The following DIP2C variants were observed in gnomAD, a reference collection of about 807,000 sequenced individuals.
DIP2C encodes disco-interacting protein 2 homolog C.
In DIP2C, 33 loss-of-function variants were observed where a neutral mutation model predicts 192.4. That is an observed-to-expected ratio of 0.17 (90% CI 0.13 to 0.23). DIP2C has a LOEUF of 0.23. Among genes scored for constraint, DIP2C ranks in the 10% least tolerant of loss-of-function variants. The probability of loss-of-function intolerance (pLI) is 1.00; values close to 1 mark genes in which losing one functional copy is unlikely to be tolerated. For missense variants in DIP2C, 1,537 were observed against 2,110.1 expected (o/e 0.73, Z 5.32); for synonymous variants, 979 against 864.1 (o/e 1.13, Z -2.33).
At chr10:388,803 G>T (rs552133951) in intron 13 of DIP2C, among the ~76,000 whole-genome samples, 1 of 152,258 alleles carries the variant, frequency 6.6e-6, no homozygotes, top group East Asian at 1.9e-4. Flanking sequence ...ACGGCTTCGT[G>T]AAGTTCCAGA....
chr10:594,503 C>A (rs1424834435), intron 1 of DIP2C, among the ~76,000 whole-genome samples: 1 of 152,064 alleles, frequency 6.6e-6, no homozygotes, highest in African/African-American at 2.4e-5. Context: ...GAGTACAAAC[C>A]ATTTCAACGT....
At chr10:312,221 C>T (rs1312830205) in intron 31 of DIP2C, among the ~76,000 whole-genome samples, 13 of 152,208 alleles carry the variant, frequency 8.5e-5, no homozygotes, top group Non-Finnish European at 1.5e-5. Flanking sequence ...TCTTCTCCTC[C>T]TCGTCATCCA....
At chr10:349,241 G>C in intron 25 of DIP2C, 90 bp downstream of exon 25, 1 of 1,519,412 alleles carries the variant, frequency 6.6e-7, no homozygotes. Context: ...CGCGACCCTC[G>C]GCTCAGGCAC....
At chr10:298,258 G>A (rs1371260333) in intron 32 of DIP2C, among the ~76,000 whole-genome samples, 1 of 152,172 alleles carries the variant, frequency 6.6e-6, no homozygotes, top group Admixed American at 6.5e-5. Context: ...GAGGGGACTG[G>A]TGAGGTGTTT....
intron 1 of DIP2C, among the ~76,000 whole-genome samples, chr10:569,928 A>C (rs1849682002): frequency 6.6e-6 from 1 of 152,204 alleles, no homozygotes; most frequent in Admixed American, 6.5e-5. Context: ...GGAAGCCAGA[A>C]ATCTACAGTG....
chr10:489,022 G>A (rs1767074911), intron 1 of DIP2C, among the ~76,000 whole-genome samples: 2 of 152,158 alleles, frequency 1.3e-5, no homozygotes, highest in Non-Finnish European at 2.9e-5. Context: ...TGGGGGGCGG[G>A]CAAAGGGGAA....
chr10:605,971 G>A (rs981200039), intron 1 of DIP2C, among the ~76,000 whole-genome samples: 2 of 152,136 alleles, frequency 1.3e-5, no homozygotes, highest in African/African-American at 2.4e-5. Flanking sequence ...TCCCACTTGC[G>A]AGACGTTCCC....
chr10:577,045 ATCTT>A (rs1212308140), intron 1 of DIP2C, among the ~76,000 whole-genome samples: 4 of 152,350 alleles, frequency 2.6e-5, no homozygotes, highest in East Asian at 1.9e-4. Context: ...AATCTTGTAT[ATCTT>A]TCTAACACTG....
At chr10:648,394 G>T (rs541807547) in intron 1 of DIP2C, among the ~76,000 whole-genome samples, 1 of 152,046 alleles carries the variant, frequency 6.6e-6, no homozygotes, top group African/African-American at 2.4e-5. Flanking sequence ...GATGGTGGGC[G>T]AGACCAGAAG....
intron 1 of DIP2C, among the ~76,000 whole-genome samples, chr10:543,501 A>C (rs1358987898): frequency 2.0e-5 from 3 of 152,250 alleles, no homozygotes; most frequent in Non-Finnish European, 4.4e-5. Flanking sequence ...TCTGCAGAGC[A>C]TTCAGCTCAC....
intron 13 of DIP2C, among the ~76,000 whole-genome samples, 177 bp downstream of exon 13, chr10:389,814 G>A (rs1963310685): frequency 6.6e-6 from 1 of 152,278 alleles, no homozygotes; most frequent in Non-Finnish European, 1.5e-5. Flanking sequence ...CGCCCAGTCT[G>A]TAGTATTTGC....
intron 1 of DIP2C, among the ~76,000 whole-genome samples, chr10:530,408 C>T (rs991840718): frequency 2.0e-5 from 3 of 151,824 alleles, no homozygotes; most frequent in African/African-American, 7.3e-5. Context: ...AACTTGAGGC[C>T]AAAGAAAGGG....
At chr10:539,454 T>C (rs1427017335) in intron 1 of DIP2C, among the ~76,000 whole-genome samples, 1 of 152,244 alleles carries the variant, frequency 6.6e-6, no homozygotes, top group East Asian at 1.9e-4. Flanking sequence ...AGGATGTGCA[T>C]ATGTCATATG....
intron 2 of DIP2C, among the ~76,000 whole-genome samples, chr10:484,204 G>A (rs1171185727): frequency 2.6e-5 from 4 of 152,218 alleles, no homozygotes; most frequent in African/African-American, 7.2e-5. Context: ...GGTGGAAAAT[G>A]CACTGAACTC....
At chr10:553,763 A>G (rs1210999174) in intron 1 of DIP2C, among the ~76,000 whole-genome samples, 2 of 151,924 alleles carry the variant, frequency 1.3e-5, no homozygotes, top group African/African-American at 2.4e-5. Context: ...AACAGGCAAG[A>G]AATATACCTC....
At chr10:281,797 T>A (rs1954843659) in intron 35 of DIP2C, among the ~76,000 whole-genome samples, 1 of 152,210 alleles carries the variant, frequency 6.6e-6, no homozygotes. Context: ...TGTGTATAAG[T>A]GGGAAAAGAA....
chr10:452,805 C>T (rs1968957763), intron 3 of DIP2C, among the ~76,000 whole-genome samples: 1 of 152,186 alleles, frequency 6.6e-6, no homozygotes, highest in Admixed American at 6.5e-5. Flanking sequence ...GTCCACTGGC[C>T]AGTGGCCCAA....
intron 1 of DIP2C, among the ~76,000 whole-genome samples, chr10:621,489 G>A (rs1376748177): frequency 6.6e-6 from 1 of 151,438 alleles, no homozygotes; most frequent in Non-Finnish European, 1.5e-5. Flanking sequence ...ATGCCAATAT[G>A]AGCACACACC....
intron 1 of DIP2C, among the ~76,000 whole-genome samples, chr10:507,699 G>A (rs773904581): frequency 2.0e-4 from 30 of 152,154 alleles, no homozygotes; most frequent in Non-Finnish European, 3.2e-4. Flanking sequence ...TATGCGCACA[G>A]GTGAGTTTGT....
Sources: gnomAD v4.1 joint callset for allele counts (sites outside exome capture counted in the v4.1 genomes callset) on GRCh38, gnomAD v4.1.1 for gene constraint, MANE v1.5 for transcripts, NCBI Gene and HGNC (gene_info 2026-07-23, HGNC 2026-07-21) for gene names.